The following CCDC144A variants were observed in gnomAD, a reference collection of about 807,000 sequenced individuals.
CCDC144A encodes coiled-coil domain-containing protein 144A.
Under a neutral mutation model 143.8 loss-of-function variants are expected in CCDC144A, and 41 were observed. The ratio of observed to expected loss-of-function variants is 0.29; its 90% CI spans 0.22 to 0.37. CCDC144A has a LOEUF of 0.37. Among genes scored for constraint, CCDC144A ranks in the 10% least tolerant of loss-of-function variants. The pLI is 1.00. For missense variants in CCDC144A, 637 were observed against 1,488.8 expected (o/e 0.43, Z 9.41); for synonymous variants, 242 against 517.9 (o/e 0.47, Z 7.23).
At chr17:16,726,477 A>G (rs1239701259) in intron 8 of CCDC144A, among the ~76,000 whole-genome samples, 1 of 149,596 alleles carries the variant, frequency 6.7e-6, no homozygotes, top group Non-Finnish European at 1.5e-5. Flanking sequence ...TGAGTTCCAT[A>G]TGAACAGCTT....
chr17:16,734,288 A>G (rs900032308), intron 11 of CCDC144A, among the ~76,000 whole-genome samples: 2 of 152,234 alleles, frequency 1.3e-5, no homozygotes, highest in Admixed American at 6.5e-5. Flanking sequence ...GAACGTTGGA[A>G]CATTTCCTCT....
chr17:16,726,801 G>C (rs1913453535), intron 8 of CCDC144A, among the ~76,000 whole-genome samples: 1 of 150,120 alleles, frequency 6.7e-6, no homozygotes, highest in Non-Finnish European at 1.5e-5. Flanking sequence ...CCGGTGTTCT[G>C]TTTCGTGATC....
intron 12 of CCDC144A, among the ~76,000 whole-genome samples, chr17:16,738,891 C>T (rs1237236344): frequency 6.6e-6 from 1 of 152,050 alleles, no homozygotes; most frequent in Non-Finnish European, 1.5e-5. Context: ...AGTGGTTGCA[C>T]CATTTTACGT....
In CCDC144A at chr17:16,734,141, GAAAAAAA is replaced by G. The variant is rs11335262; in HGVS notation, c.2419-538_2419-532del. On this transcript the variant is annotated intron_variant, in intron 11 of 16. Transcript: ENST00000399273. Reference sequence around the variant, plus strand: ...AGTGATGGAGTGGAGACCCTATCTCGAAAAAAAAAAAAAAAAAGCCTAATATAATGCT... The same window carrying G: ...AGTGATGGAGTGGAGACCCTATCTCGAAAAAAAAAAGCCTAATATAATGCT... 6.6e-5 allele frequency among the ~76,000 whole-genome samples: 6 copies of G among 90,440 alleles called. No homozygotes were observed. In the South Asian group the frequency reaches 2.1e-3, roughly 31 times the overall value. The allele number at this position is 90,440 out of a possible 152,430, so 59.3% of individuals were successfully genotyped here.
At chr17:16,679,629 A>G in the CCDC144A span, among the ~76,000 whole-genome samples, 2 of 152,026 alleles carry the variant, frequency 1.3e-5, no homozygotes, top group Non-Finnish European at 2.9e-5. Flanking sequence ...GTACTTGTTT[A>G]TATCCCCCCA....
intron 12 of CCDC144A, among the ~76,000 whole-genome samples, chr17:16,757,335 G>T (rs1915139638): frequency 6.6e-6 from 1 of 152,258 alleles, no homozygotes; most frequent in Admixed American, 6.5e-5. Context: ...GAGCAGGCTT[G>T]TCCACAGGTT....
At chr17:16,667,250 GC>G in the CCDC144A span, 9 of 233,312 alleles carry the variant, frequency 3.9e-5, no homozygotes, top group Admixed American at 1.1e-4. Flanking sequence ...AGGGGCTGAG[GC>G]GGCTGAGGCG....
chr17:16,757,525 G>T (rs1277687068), intron 12 of CCDC144A, among the ~76,000 whole-genome samples: 2 of 152,244 alleles, frequency 1.3e-5, no homozygotes, highest in Admixed American at 6.5e-5. Context: ...TCAGGGTCCT[G>T]GACAGTGTAT....
intron 1 of CCDC144A, among the ~76,000 whole-genome samples, chr17:16,691,362 C>T (rs1911059828): frequency 6.6e-6 from 1 of 152,080 alleles, no homozygotes. Context: ...TTATCCTTTC[C>T]CAGATTTGTG....
At chr17:16,764,274 A>G (rs566584060) in intron 15 of CCDC144A, 99 bp downstream of exon 15, 545 of 1,535,520 alleles carry the variant, frequency 3.5e-4, no homozygotes, top group Non-Finnish European at 4.5e-4. Context: ...ATGGTAAGTA[A>G]AAGTAATAAT....
chr17:16,755,203 A>AT (rs1162612567), intron 12 of CCDC144A, among the ~76,000 whole-genome samples: 1 of 152,044 alleles, frequency 6.6e-6, no homozygotes. Context: ...TATATCTTTA[A>AT]TTGGGGAATT....
At chr17:16,719,349 A>G (rs1457167339) in intron 6 of CCDC144A, among the ~76,000 whole-genome samples, 1 of 152,138 alleles carries the variant, frequency 6.6e-6, no homozygotes, top group Non-Finnish European at 1.5e-5. Context: ...TTTTGAAAGT[A>G]GGTTTCTAAA....
Position 16,710,766 on chromosome 17 carries a change from T to G in CCDC144A, c.1579-913T>G, listed in dbSNP as rs529687582. On this transcript the variant is annotated intron_variant, in intron 5 of 16. Coordinates refer to ENST00000399273, the MANE Select transcript of CCDC144A (RefSeq NM_001382000.1). ...TCCCACCCTCCGCTAAGGCATTAAA[T>G]TATTTTACCCAAGTCACACTTTTAA... Among the ~76,000 whole-genome samples, 474 of 152,290 alleles carry G rather than the reference T, an allele frequency of 3.1e-3. 5 individuals carry two copies. Among genetic ancestry groups the G allele is most frequent in the Non-Finnish European group, 5.1e-3 (348 of 68,016 alleles).
intron 8 of CCDC144A, 108 bp downstream of exon 8, chr17:16,720,766 TCA>T (rs1913047930): frequency 5.8e-6 from 9 of 1,539,470 alleles, no homozygotes; most frequent in African/African-American, 1.4e-5. Flanking sequence ...AGAAATACGC[TCA>T]GTGTTAAAAT....
intron 12 of CCDC144A, among the ~76,000 whole-genome samples, chr17:16,760,196 T>C (rs903904634): frequency 2.0e-5 from 3 of 151,720 alleles, no homozygotes; most frequent in African/African-American, 4.9e-5. Context: ...TTCTGCCACA[T>C]TGTGTTCCGG....
rs1204786839 is a variant in CCDC144A at position 16,776,728 on chromosome 17, T to C, written c.*3095T>C. On this transcript the variant is annotated 3_prime_UTR_variant, in exon 17 of 17. Coordinates refer to ENST00000399273, the MANE Select transcript of CCDC144A (RefSeq NM_001382000.1). ...GCCTGATTGCCTTGGTGAGAATTTC[T>C]AATACTGTGTTGAATAGGAGTGGTG... The C allele has an allele frequency of 6.6e-6, 1 of 151,936 alleles. No individual in the cohort carries two copies. Among genetic ancestry groups the C allele is most frequent in the African/African-American group, 2.4e-5 (1 of 41,360 alleles). 9.4% of individuals were successfully genotyped at this position (151,936 alleles called of 1,614,324 possible).
chr17:16,758,598 T>G (rs1915210586), intron 12 of CCDC144A, among the ~76,000 whole-genome samples: 1 of 152,266 alleles, frequency 6.6e-6, no homozygotes, highest in Non-Finnish European at 1.5e-5. Flanking sequence ...CAGCCTGATG[T>G]GTGCTTCCAC....
chr17:16,726,270 A>G (rs1846688192), intron 8 of CCDC144A, among the ~76,000 whole-genome samples: 1 of 150,928 alleles, frequency 6.6e-6, no homozygotes, highest in South Asian at 2.1e-4. Flanking sequence ...AGTCCCAGCT[A>G]TTCGGGAGCC....
At chr17:16,687,641 G>A (rs555172324), upstream of CCDC144A, among the ~76,000 whole-genome samples, 8 of 152,206 alleles carry the variant, frequency 5.3e-5, no homozygotes, top group South Asian at 8.3e-4. Context: ...ACTGAGGGGC[G>A]GCTTGTGGAG....
Sources: gnomAD v4.1 joint callset for allele counts (sites outside exome capture counted in the v4.1 genomes callset) on GRCh38, gnomAD v4.1.1 for gene constraint, MANE v1.5 for transcripts, NCBI Gene and HGNC (gene_info 2026-07-23, HGNC 2026-07-21) for gene names.